The following FLG variants were observed in gnomAD, a reference collection of about 807,000 sequenced individuals.
The protein encoded by FLG is epidermal filaggrin.
In FLG, 6 loss-of-function variants were observed where a neutral mutation model predicts 3.8. The observed-to-expected ratio is 1.60, with a 90% CI of 0.87 to 3.15. The LOEUF (loss-of-function observed/expected upper bound fraction) is 3.15, where lower values mean the gene tolerates loss of function less well. Among genes scored for constraint, FLG ranks in the 30% most tolerant of loss-of-function variants. The probability of loss-of-function intolerance (pLI) is 0.00; values close to 1 mark genes in which losing one functional copy is unlikely to be tolerated. For missense variants in FLG, 7,595 were observed against 5,050.9 expected, an observed-to-expected ratio of 1.50 and a Z score of -15.27; for synonymous variants, 2,551 against 1,931.6, an observed-to-expected ratio of 1.32 and a Z score of -8.41.
At position 152,308,245 on chromosome 1, in the gene FLG, G is replaced by C; in HGVS notation, c.6641C>G (p.Ser2214Cys). Residue 2214 changes from serine to cysteine, a missense_variant, in exon 3 of 3, where the codon TCC becomes TGC. By Grantham distance (112) the Ser-to-Cys change is moderately radical. Transcript: ENST00000368799. ...RHSGSHHHEA[S>C]SWADSSRHSL... ...GTGTCTAGAGCTGTCGGCCCAAGAGGAAGCTTCATGATGATGCGACCCTGA... is the reference window on the plus strand; with the variant it reads ...GTGTCTAGAGCTGTCGGCCCAAGAGCAAGCTTCATGATGATGCGACCCTGA... 6.2e-7 allele frequency: 1 copy of C among 1,614,002 alleles called. No homozygotes were observed. Among genetic ancestry groups the C allele is most frequent in the East Asian group, 2.2e-5 (1 of 44,856 alleles).
chr1:152,313,096 C>T lies in FLG; in HGVS notation c.1790G>A (p.Ser597Asn), dbSNP rs766406566. The T allele has an allele frequency of 1.2e-6, 2 of 1,613,922 alleles. No individual in the cohort carries two copies. Among genetic ancestry groups the T allele is most frequent in the South Asian group, 1.1e-5 (1 of 91,070 alleles). The stretch of plus-strand genomic sequence containing the variant: ...CTGGCCCACCTGTGAGTGTCTAGAG[C>T]TGTCAGCCTGAGAGGAAGCTTCATG... ...RHHEASSQADSSRHSQVGQGQ... is the reference protein window; with the variant it reads ...RHHEASSQADNSRHSQVGQGQ... The change falls in exon 3 of 3, where the codon AGC (serine) becomes AAC (asparagine). Residue 597 changes from serine to asparagine, a missense_variant. Transcript: ENST00000368799.
At position 152,315,408 on chromosome 1, in the gene FLG, G is replaced by A; in HGVS notation, c.49C>T (p.Gln17Ter). The A allele has an allele frequency of 1.2e-6, 2 of 1,610,794 alleles. No homozygotes were observed. The highest frequency in any genetic ancestry group is 1.7e-6 in the Non-Finnish European group (2 of 1,178,120). The change falls in exon 2 of 3, where the codon CAA (glutamine) becomes TAA (stop). Residue 17 changes from glutamine to a stop codon, truncating the protein, a stop_gained. Transcript: ENST00000368799. LOFTEE classifies it high-confidence loss of function. ...NIFAIINLFK[Q>*]YSKKDKNTDT... ...GTGTTTTTATCTTTTTTTGAATATT[G>A]CTTGAAAAGATTAATTATGGCAAAG... is the stretch of plus-strand genomic sequence containing the variant.
intron 1 of FLG, among the ~76,000 whole-genome samples, chr1:152,316,861 T>G (rs1167517196): frequency 1.3e-5 from 2 of 152,266 alleles, no homozygotes; most frequent in South Asian, 2.1e-4. Context: ...ATACATCCAC[T>G]TGTCCTACTT....
At position 152,309,859 on chromosome 1, in the gene FLG, C is replaced by G. The variant is rs1198256281; in HGVS notation, c.5027G>C (p.Ser1676Thr). ...GCGGGATCCATGTCTTTCTCCTGGACTTGACCTTGCCTGTTCCTGGGATGA... is the reference window on the plus strand; with the variant it reads ...GCGGGATCCATGTCTTTCTCCTGGAGTTGACCTTGCCTGTTCCTGGGATGA... The part of the protein sequence containing the change: ...AASSQEQARS[S>T]PGERHGSRHQ... Residue 1676 changes from serine to threonine, a missense_variant, in exon 3 of 3, where the codon AGT (serine) becomes ACT (threonine). Ser to Thr is a moderately conservative substitution (Grantham distance 58). Transcript: ENST00000368799. 6.2e-7 allele frequency: 1 copy of G among 1,614,004 alleles called. No homozygotes were observed. Among genetic ancestry groups the G allele is most frequent in the Non-Finnish European group, 8.5e-7 (1 of 1,180,032 alleles).
At position 152,313,682 on chromosome 1, in the gene FLG, G is replaced by T; in HGVS notation, c.1204C>A (p.Arg402Ser). Residue 402 changes from arginine (R) to serine (S), a missense_variant, in exon 3 of 3, where the codon CGC becomes AGC. Transcript: ENST00000368799. ...ADSSRHSATG[R>S]GQASSAVSDR... ...CTGACTGCAGATGAAGCTTGCCCGC[G>T]CCCAGTGGCTGAGTGTCTGGAGCTG... The T allele has an allele frequency of 6.2e-7, 1 of 1,613,884 alleles. No homozygotes were observed. The highest frequency in any genetic ancestry group is 8.5e-7 in the Non-Finnish European group (1 of 1,179,998).
rs776201893 is a variant in FLG, at chr1:152,308,039, T to G, written c.6847A>C (p.Arg2283=). The G allele has an allele frequency of 6.2e-7, 1 of 1,614,178 alleles. No homozygotes were observed. The highest frequency in any genetic ancestry group is 2.2e-5 in the East Asian group (1 of 44,874). Residue 2283 remains arginine, a synonymous_variant, in exon 3 of 3, where the codon AGG becomes CGG. Transcript: ENST00000368799. ...EQSRDGSRHP[R]SHHEDRAGHG... is the part of the protein sequence containing the mutation. Reference sequence around the variant, plus strand: ...CCGGCTCTGTCTTCGTGATGGGACCTGGGGTGTCTGGAGCCATCTCTTGAC... The same window carrying G: ...CCGGCTCTGTCTTCGTGATGGGACCGGGGGTGTCTGGAGCCATCTCTTGAC...
Position 152,305,740 on chromosome 1 carries a change from C to A in FLG, c.9146G>T (p.Arg3049Leu). 1 of 1,197,866 alleles carries A rather than the reference C, an allele frequency of 8.3e-7. No individual in the cohort carries two copies. Among genetic ancestry groups the A allele is most frequent in the South Asian group, 1.4e-5 (1 of 72,368 alleles). The allele number at this position is 1,197,866 out of a possible 1,614,324, so 74.2% of individuals were successfully genotyped here. A position where few individuals can be genotyped will look rare whatever the true frequency, so the allele number is the denominator to read the frequency against. Residue 3049 changes from arginine (R) to leucine (L), a missense_variant, in exon 3 of 3, where the codon CGT becomes CTT. Physicochemically the swap from Arg to Leu is moderately radical, Grantham distance 102. Transcript: ENST00000368799. ...SHQQSHQESA[R>L]GRSGETSGHS... is the part of the protein sequence containing the mutation. ...TCCAGACGTTTCCCCTGACCGGCCACGTGCGGACTCTTGGTGGCTCTGCTG... is the reference window on the plus strand; with the variant it reads ...TCCAGACGTTTCCCCTGACCGGCCAAGTGCGGACTCTTGGTGGCTCTGCTG...
rs751162889 is a variant in FLG at position 152,312,513 on chromosome 1, C to T, written c.2373G>A (p.Gly791=). ...GAGTGCTCACCTGGTAGAGGAAAGA[C>T]CCTGAACGTCGAGACCTTTCCCCTG... ...DRSGERSRRS[G]SFLYQVSTHK... Residue 791 remains glycine (G), a synonymous_variant, in exon 3 of 3, where the codon GGG becomes GGA. Transcript: ENST00000368799. 1.2e-6 allele frequency: 2 copies of T among 1,613,486 alleles called. No homozygotes were observed. Among genetic ancestry groups the T allele is most frequent in the African/African-American group, 1.3e-5 (1 of 74,788 alleles).
In FLG at chr1:152,310,576, C is replaced by T. The variant is rs367594853; in HGVS notation, c.4310G>A (p.Arg1437His). Residue 1437 changes from arginine (R) to histidine (H), a missense_variant, in exon 3 of 3, where the codon CGT becomes CAT. Transcript: ENST00000368799. ...CACCTGGTAGAGGAAAGACCTTGAA[C>T]GTCCAGAGCTTTCCCCTGACTGGCC... ...ARGQSGESSGRSRSFLYQVSS... is the reference protein window; with the variant it reads ...ARGQSGESSGHSRSFLYQVSS... The T allele has an allele frequency of 2.1e-5, 34 of 1,613,796 alleles. No individual in the cohort carries two copies. The highest frequency in any genetic ancestry group is 1.6e-4 in the South Asian group (15 of 91,068).
In FLG at chr1:152,302,731, C is replaced by G. The variant is rs1442104440; in HGVS notation, c.12155G>C (p.Ser4052Thr). The G allele has an allele frequency of 1.9e-6, 3 of 1,613,996 alleles. No homozygotes were observed. The South Asian group carries it at 3.3e-5, about 18-fold the overall frequency. ...SSDISKQLGF[S>T]QSQRYYYYE ...ATAGTAATAGTATCTCTGTGACTGA[C>G]TAAATCCCAGTTGTTTCGATATATC... Residue 4052 changes from serine to threonine, a missense_variant, in exon 3 of 3, where the codon AGT becomes ACT. By Grantham distance (58) the Ser-to-Thr change is moderately conservative. Transcript: ENST00000368799.
chr1:152,310,583 A>C lies in FLG; in HGVS notation c.4303T>G (p.Ser1435Ala). 1 of 1,613,788 alleles carries C rather than the reference A, an allele frequency of 6.2e-7. No individual in the cohort carries two copies. ...TAGAGGAAAGACCTTGAACGTCCAG[A>C]GCTTTCCCCTGACTGGCCACGTGCG... is the stretch of plus-strand genomic sequence containing the variant. ...ESARGQSGES[S>A]GRSRSFLYQV... The change falls in exon 3 of 3, where the codon TCT (serine) becomes GCT (alanine). Residue 1435 changes from serine (S) to alanine (A), a missense_variant. Physicochemically the swap from Ser to Ala is moderately conservative, Grantham distance 99. Coordinates refer to ENST00000368799, the MANE Select transcript of FLG (RefSeq NM_002016.2).
chr1:152,322,044 T>C (rs1652994409), intron 1 of FLG, among the ~76,000 whole-genome samples: 1 of 151,234 alleles, frequency 6.6e-6, no homozygotes, highest in Non-Finnish European at 1.5e-5. Flanking sequence ...GAAAATTATA[T>C]GAACCTCTCA....
At position 152,305,183 on chromosome 1, in the gene FLG, C is replaced by T; in HGVS notation, c.9703G>A (p.Ala3235Thr). ...ACAGATCCACGATGGTTTCTGGAAG[C>T]AGACCCAGACCACCTCTCAGAGTCT... is the stretch of plus-strand genomic sequence containing the variant. Reference protein sequence around the residue: ...SEDSERWSGSASRNHRGSVQE... With the variant: ...SEDSERWSGSTSRNHRGSVQE... Residue 3235 changes from alanine to threonine, a missense_variant, in exon 3 of 3, where the codon GCT becomes ACT. By Grantham distance (58) the Ala-to-Thr change is moderately conservative. Transcript: ENST00000368799. The T allele has an allele frequency of 2.5e-6, 4 of 1,613,804 alleles. No individual in the cohort carries two copies. The highest frequency in any genetic ancestry group is 2.5e-6 in the Non-Finnish European group (3 of 1,179,968).
In FLG at chr1:152,307,298, A is replaced by T. The variant is rs779001043; in HGVS notation, c.7588T>A (p.Ser2530Thr). The T allele has an allele frequency of 3.7e-5, 60 of 1,613,020 alleles. No individual in the cohort carries two copies. The highest frequency in any genetic ancestry group is 4.4e-5 in the Non-Finnish European group (52 of 1,179,930). ...GAAGCTTCATGGTGACGCGACCCTG[A>T]GTGCCTGGAGCCGTCTCCTGATTGT... The part of the protein sequence containing the change: ...DEQSGDGSRH[S>T]GSRHHEASSR... Residue 2530 changes from serine to threonine, a missense_variant, in exon 3 of 3, where the codon TCA becomes ACA. By Grantham distance (58) the Ser-to-Thr change is moderately conservative. Coordinates refer to ENST00000368799, the MANE Select transcript of FLG (RefSeq NM_002016.2).
Position 152,303,707 on chromosome 1 carries a change from C to T in FLG, c.11179G>A (p.Ala3727Thr), listed in dbSNP as rs1266296540. Residue 3727 changes from alanine to threonine, a missense_variant, in exon 3 of 3, where the codon GCT becomes ACT. Physicochemically the swap from Ala to Thr is moderately conservative, Grantham distance 58. Transcript: ENST00000368799. ...TGTCTTCCTCCAGTACTGGGCCCAG[C>T]CCGTCCATGGGCAGACTCAGACTGT... ...HEQSESAHGR[A>T]GPSTGGRQGS... The T allele has an allele frequency of 1.2e-6, 2 of 1,613,972 alleles. No individual in the cohort carries two copies. Among genetic ancestry groups the T allele is most frequent in the South Asian group, 1.1e-5 (1 of 91,048 alleles).
intron 1 of FLG, 146 bp from the exon 2 acceptor site, chr1:152,315,623 C>G (rs1652761367): frequency 1.6e-6 from 1 of 628,044 alleles, no homozygotes; most frequent in African/African-American, 1.9e-5. Context: ...AAACTTTTCT[C>G]TACCATCTAC....
chr1:152,318,227 C>T (rs1652850867), intron 1 of FLG, among the ~76,000 whole-genome samples: 1 of 151,918 alleles, frequency 6.6e-6, no homozygotes, highest in African/African-American at 2.4e-5. Flanking sequence ...ATGTTTACCA[C>T]CCACTTTCTT....
rs149741474 is a variant in FLG at position 152,303,490 on chromosome 1, G to A, written c.11396C>T (p.Ala3799Val). 3.1e-6 allele frequency: 5 copies of A among 1,613,942 alleles called. No individual in the cohort carries two copies. In the African/African-American group the frequency reaches 5.3e-5, roughly 17 times the overall value. The change falls in exon 3 of 3, where the codon GCC (alanine) becomes GTC (valine). Residue 3799 changes from alanine to valine, a missense_variant. Transcript: ENST00000368799. ...TCTGGATCCTGACTGCCCATGGGAG[G>A]CATCAGACCTTCCCTGGGATGTGGT... ...SHTTSQGRSDASHGQSGSRSA... is the reference protein window; with the variant it reads ...SHTTSQGRSDVSHGQSGSRSA...
Position 152,308,702 on chromosome 1 carries a change from G to A in FLG, c.6184C>T (p.Gln2062Ter), listed in dbSNP as rs1050394833. ...EDSDTQSVSA[Q>*]GKAGPHQQSH... is the part of the protein sequence containing the mutation. ...TGCTGATGGGGCCCAGCTTTTCCCT[G>A]TGCTGACACTGACTGTGTGTCTGAG... Residue 2062 changes from glutamine (Q) to a stop codon, truncating the protein, a stop_gained, in exon 3 of 3, where the codon CAG becomes TAG. Transcript: ENST00000368799. LOFTEE classifies it low-confidence loss of function (END_TRUNC). The A allele has an allele frequency of 1.9e-6, 3 of 1,613,972 alleles. No individual in the cohort carries two copies. The highest frequency in any genetic ancestry group is 2.5e-6 in the Non-Finnish European group (3 of 1,179,998).
Sources: allele counts gnomAD v4.1 joint callset (sites outside exome capture counted in the v4.1 genomes callset), GRCh38; gene constraint gnomAD v4.1.1; transcripts MANE v1.5; gene names NCBI Gene and HGNC (gene_info 2026-07-23, HGNC 2026-07-21).